The following COMMD10 variants were observed in gnomAD, a reference collection of about 807,000 sequenced individuals.
COMMD10 encodes COMM domain containing 10, also known as COMM domain-containing protein 10.
In COMMD10, 33 loss-of-function variants were observed where a neutral mutation model predicts 28.9. That is an observed-to-expected ratio of 1.14 (90% confidence interval 0.87 to 1.53). The LOEUF (loss-of-function observed/expected upper bound fraction) is 1.53, where lower values mean the gene tolerates loss of function less well. COMMD10 is among the 40% of genes most tolerant of loss of function. COMMD10 has a pLI of 0.00. For missense variants in COMMD10, 310 were observed against 233.4 expected, an observed-to-expected ratio of 1.33 and a Z score of -2.14; for synonymous variants, 110 against 81.7, an observed-to-expected ratio of 1.35 and a Z score of -1.87.
intron 4 of COMMD10, among the ~76,000 whole-genome samples, chr5:116,103,991 A>C (rs1272617948): frequency 2.0e-5 from 3 of 152,068 alleles, no homozygotes; most frequent in Admixed American, 2.0e-4. Flanking sequence ...GGCCTCTGTT[A>C]TGTTCCATTG....
chr5:116,164,316 G>A (rs765348970), intron 5 of COMMD10, among the ~76,000 whole-genome samples: 23 of 132,950 alleles, frequency 1.7e-4, no homozygotes, highest in Admixed American at 3.5e-4. Flanking sequence ...GTGAAACTCG[G>A]TCTCAAAAAA....
chr5:116,256,974 G>T (rs1163114340), intron 5 of COMMD10, among the ~76,000 whole-genome samples: 4 of 151,692 alleles, frequency 2.6e-5, no homozygotes, highest in Non-Finnish European at 5.9e-5. Flanking sequence ...AATGAGTTCA[G>T]AGTAACTAAG....
At chr5:116,225,354 A>ATTTTTT (rs3073081) in intron 5 of COMMD10, among the ~76,000 whole-genome samples, 2 of 132,404 alleles carry the variant, frequency 1.5e-5, no homozygotes, top group African/African-American at 5.7e-5. Flanking sequence ...TTTTTTGGGG[A>ATTTTTT]TTTTTTTTTT....
At chr5:116,128,805 G>T (rs992636616) in intron 4 of COMMD10, among the ~76,000 whole-genome samples, 4 of 151,862 alleles carry the variant, frequency 2.6e-5, no homozygotes, top group Non-Finnish European at 4.4e-5. Flanking sequence ...TTATTTTATG[G>T]CGTATCCCTC....
At chr5:116,127,264 A>G (rs930002321) in intron 4 of COMMD10, among the ~76,000 whole-genome samples, 1 of 152,234 alleles carries the variant, frequency 6.6e-6, no homozygotes, top group African/African-American at 2.4e-5. Flanking sequence ...ATCATTAAAA[A>G]GTCAGGAAAC....
Position 116,091,203 on chromosome 5 carries a change from A to G in COMMD10, c.243+14A>G. Reference sequence around the variant, plus strand: ...ATTTTAGAACAGGTATTTTTATTGCATCAAATTTTCTAGCCATGATTTGTT... The same window carrying G: ...ATTTTAGAACAGGTATTTTTATTGCGTCAAATTTTCTAGCCATGATTTGTT... On this transcript the variant is annotated intron_variant, in intron 3 of 6. Transcript: ENST00000274458. The G allele has an allele frequency of 1.4e-6, 2 of 1,414,162 alleles. No individual in the cohort carries two copies. The highest frequency in any genetic ancestry group is 2.0e-6 in the Non-Finnish European group (2 of 1,006,228). 87.6% of individuals were successfully genotyped at this position (1,414,162 alleles called of 1,614,324 possible).
At chr5:116,198,367 C>G (rs1391227339) in intron 5 of COMMD10, among the ~76,000 whole-genome samples, 1 of 152,016 alleles carries the variant, frequency 6.6e-6, no homozygotes, top group Admixed American at 6.6e-5. Context: ...AAATAATAAA[C>G]TTTATTTTTC....
At chr5:116,099,708 T>C (rs546897194) in intron 4 of COMMD10, among the ~76,000 whole-genome samples, 1 of 152,326 alleles carries the variant, frequency 6.6e-6, no homozygotes, top group East Asian at 1.9e-4. Context: ...TATTGACCAC[T>C]CTTTTATATA....
chr5:116,208,475 A>G (rs1417658606), intron 5 of COMMD10, among the ~76,000 whole-genome samples: 1 of 152,120 alleles, frequency 6.6e-6, no homozygotes, highest in African/African-American at 2.4e-5. Flanking sequence ...CCCTCCTTGT[A>G]CATGTTGCTA....
At chr5:116,156,893 A>T in intron 5 of COMMD10, among the ~76,000 whole-genome samples, 1 of 152,078 alleles carries the variant, frequency 6.6e-6, no homozygotes, top group Admixed American at 6.5e-5. Flanking sequence ...TTTTTTCTAA[A>T]TTCTCCTTGT....
chr5:116,091,644 T>C (rs527275314), intron 3 of COMMD10, among the ~76,000 whole-genome samples: 1 of 152,150 alleles, frequency 6.6e-6, no homozygotes, highest in Non-Finnish European at 1.5e-5. Flanking sequence ...CCCTTATACT[T>C]CCTTTATTTG....
At chr5:116,283,445 C>G (rs1175944667) in intron 5 of COMMD10, among the ~76,000 whole-genome samples, 1 of 151,404 alleles carries the variant, frequency 6.6e-6, no homozygotes, top group African/African-American at 2.4e-5. Context: ...CTCCCGGGTT[C>G]AAGCGATTCT....
chr5:116,198,080 T>G (rs145719516), intron 5 of COMMD10, among the ~76,000 whole-genome samples: 6 of 152,314 alleles, frequency 3.9e-5, no homozygotes, highest in Non-Finnish European at 5.9e-5. Context: ...TAATTTTTGT[T>G]TTTTTAAACC....
Position 116,290,210 on chromosome 5 carries a change from G to A in COMMD10, c.511-1307G>A, listed in dbSNP as rs1394327387. On this transcript the variant is annotated intron_variant, in intron 5 of 6. Transcript: ENST00000274458. Reference sequence around the variant, plus strand: ...TCATCCTTCCTTAACTGCTAGGAGGGCATATACTATGTATAGATGATGCTG... The same window carrying A: ...TCATCCTTCCTTAACTGCTAGGAGGACATATACTATGTATAGATGATGCTG... Among the ~76,000 whole-genome samples, 7 of 151,774 alleles carry A rather than the reference G, an allele frequency of 4.6e-5. No homozygotes were observed. The East Asian group carries it at 1.3e-3, about 29-fold the overall frequency.
At chr5:116,149,699 G>C (rs1306769647) in intron 5 of COMMD10, among the ~76,000 whole-genome samples, 1 of 149,086 alleles carries the variant, frequency 6.7e-6, no homozygotes, top group African/African-American at 2.5e-5. Context: ...TTTTTGATGG[G>C]GTTGTTTGTT....
intron 5 of COMMD10, among the ~76,000 whole-genome samples, chr5:116,226,806 T>C (rs971895665): frequency 6.6e-6 from 1 of 152,220 alleles, no homozygotes; most frequent in East Asian, 1.9e-4. Context: ...GGACAAAACA[T>C]AAATGTGGAA....
chr5:116,272,834 G>A (rs1750795797), intron 5 of COMMD10, among the ~76,000 whole-genome samples: 1 of 151,692 alleles, frequency 6.6e-6, no homozygotes, highest in Admixed American at 6.6e-5. Flanking sequence ...AGATGTCTGT[G>A]GTGTTGGCTC....
At chr5:116,143,472 TA>T (rs1752254679) in intron 5 of COMMD10, among the ~76,000 whole-genome samples, 1 of 151,834 alleles carries the variant, frequency 6.6e-6, no homozygotes, top group African/African-American at 2.4e-5. Flanking sequence ...AAAATTCTTT[TA>T]AAAATTTTGT....
chr5:116,113,038 TTGTC>T (rs1751108020), intron 4 of COMMD10, among the ~76,000 whole-genome samples: 1 of 152,230 alleles, frequency 6.6e-6, no homozygotes, highest in African/African-American at 2.4e-5. Context: ...CAGTATTTGA[TTGTC>T]TGGGAAAGAC....
Sources: allele counts gnomAD v4.1 joint callset (sites outside exome capture counted in the v4.1 genomes callset), GRCh38; gene constraint gnomAD v4.1.1; transcripts MANE v1.5; gene names NCBI Gene and HGNC (gene_info 2026-07-23, HGNC 2026-07-21).